Variants in PSMA1 observed in about 807,000 individuals in gnomAD.
The protein encoded by PSMA1 is proteasome subunit alpha type-1.
In PSMA1, 3 loss-of-function variants were observed where a neutral mutation model predicts 38.4. The observed-to-expected ratio is 0.08, with a 90% confidence interval of 0.04 to 0.20. PSMA1 has a LOEUF of 0.20. PSMA1 is among the 10% of genes least tolerant of loss of function. PSMA1 has a pLI of 1.00. For missense variants in PSMA1, 227 were observed against 325.3 expected (o/e 0.70, Z 2.32); for synonymous variants, 101 against 107.1 (o/e 0.94, Z 0.35).
chr11:14,526,156 A>T (rs535699478), intron 2 of PSMA1, among the ~76,000 whole-genome samples: 5 of 152,172 alleles, frequency 3.3e-5, no homozygotes, highest in Admixed American at 6.5e-5. Flanking sequence ...CTTTCCTTCC[A>T]GGCATGGTTG....
chr11:14,603,691 A>G (rs1385407152), intron 2 of PSMA1, among the ~76,000 whole-genome samples: 1 of 152,280 alleles, frequency 6.6e-6, no homozygotes, highest in Admixed American at 6.5e-5. Flanking sequence ...AAAAGCAGCA[A>G]ATATTTAGCT....
At chr11:14,569,863 G>C (rs895653258) in intron 2 of PSMA1, among the ~76,000 whole-genome samples, 3 of 152,198 alleles carry the variant, frequency 2.0e-5, no homozygotes, top group Non-Finnish European at 4.4e-5. Flanking sequence ...GAGAGTAGTG[G>C]TTCTCCCAGC....
At chr11:14,596,261 T>C (rs1852491891) in intron 2 of PSMA1, among the ~76,000 whole-genome samples, 2 of 152,232 alleles carry the variant, frequency 1.3e-5, no homozygotes, top group African/African-American at 2.4e-5. Flanking sequence ...TTTAAAGTAA[T>C]TTTTTCCAAT....
chr11:14,554,876 T>C (rs1490237955), intron 2 of PSMA1, among the ~76,000 whole-genome samples: 1 of 152,234 alleles, frequency 6.6e-6, no homozygotes, highest in Non-Finnish European at 1.5e-5. Context: ...GAGTACAAAG[T>C]AGTTAAGTAA....
intron 2 of PSMA1, among the ~76,000 whole-genome samples, chr11:14,590,057 C>A (rs1243934969): frequency 1.3e-5 from 2 of 152,180 alleles, no homozygotes; most frequent in Admixed American, 6.5e-5. Flanking sequence ...CATGGATGAA[C>A]CTTGAGGACA....
At chr11:14,625,530 C>A (rs1852899932) in intron 1 of PSMA1, among the ~76,000 whole-genome samples, 1 of 152,124 alleles carries the variant, frequency 6.6e-6, no homozygotes, top group Non-Finnish European at 1.5e-5. Flanking sequence ...GGATCCACCC[C>A]TGTTTCAGTA....
intron 2 of PSMA1, among the ~76,000 whole-genome samples, chr11:14,593,649 AGAGAGAGAGAGAGC>A (rs1187019620): frequency 4.0e-5 from 6 of 150,440 alleles, no homozygotes; most frequent in African/African-American, 1.5e-4. Context: ...AGAGAGAGAG[AGAGAGAGAGAGAGC>A]GCCAGCCCTA....
chr11:14,529,144 A>G (rs1208947328), intron 2 of PSMA1, among the ~76,000 whole-genome samples: 1 of 151,668 alleles, frequency 6.6e-6, no homozygotes, highest in Non-Finnish European at 1.5e-5. Flanking sequence ...AAAAAAAATT[A>G]AAGGTAATTG....
chr11:14,616,530 T>A (rs1852776280), intron 1 of PSMA1, among the ~76,000 whole-genome samples: 1 of 152,086 alleles, frequency 6.6e-6, no homozygotes, highest in Non-Finnish European at 1.5e-5. Flanking sequence ...CTGTGCCCGA[T>A]CAGATCCCAA....
intron 2 of PSMA1, among the ~76,000 whole-genome samples, chr11:14,553,531 T>C (rs1851911255): frequency 6.6e-6 from 1 of 152,198 alleles, no homozygotes; most frequent in South Asian, 2.1e-4. Flanking sequence ...TCTGTAATTT[T>C]ATCATTTTAG....
intron 1 of PSMA1, among the ~76,000 whole-genome samples, chr11:14,643,056 A>G (rs1375780437): frequency 6.6e-6 from 1 of 151,802 alleles, no homozygotes; most frequent in African/African-American, 2.4e-5. Context: ...GGAAGGCGAG[A>G]CGTTAGTTCT....
intron 2 of PSMA1, among the ~76,000 whole-genome samples, chr11:14,571,817 A>G (rs1852145092): frequency 1.3e-5 from 2 of 152,326 alleles, no homozygotes; most frequent in African/African-American, 4.8e-5. Context: ...GGATGGAGGA[A>G]GATCTACCAA....
intron 2 of PSMA1, among the ~76,000 whole-genome samples, chr11:14,528,626 G>A (rs1330129988): frequency 6.6e-6 from 1 of 151,996 alleles, no homozygotes; most frequent in Non-Finnish European, 1.5e-5. Context: ...AAGAAGACAG[G>A]AAGGTCAGGC....
chr11:14,585,344 A>C (rs115436566), intron 2 of PSMA1, among the ~76,000 whole-genome samples: 1,942 of 152,296 alleles, frequency 0.013, 36 homozygotes, highest in African/African-American at 0.043. Flanking sequence ...ATCTCTCTCT[A>C]TATATATGTT....
chr11:14,586,197 C>G (rs563948612), intron 2 of PSMA1, among the ~76,000 whole-genome samples: 1 of 152,034 alleles, frequency 6.6e-6, no homozygotes, highest in African/African-American at 2.4e-5. Flanking sequence ...TTTGGGAGGC[C>G]GAGGCTGGAG....
chr11:14,509,048 A>G (rs1851297312), intron 8 of PSMA1, among the ~76,000 whole-genome samples: 3 of 152,176 alleles, frequency 2.0e-5, no homozygotes. Context: ...ATTTCTATAT[A>G]AAGACTTCAA....
At chr11:14,566,052 C>G (rs559765145) in intron 2 of PSMA1, among the ~76,000 whole-genome samples, 187 of 152,176 alleles carry the variant, frequency 1.2e-3, no homozygotes, top group South Asian at 6.2e-3. Flanking sequence ...GGATATCTGA[C>G]AAAAAGCAAG....
intron 2 of PSMA1, among the ~76,000 whole-genome samples, chr11:14,540,125 T>G (rs1467688910): frequency 6.6e-6 from 1 of 152,160 alleles, no homozygotes; most frequent in African/African-American, 2.4e-5. Flanking sequence ...TGACCCTCTC[T>G]ACCCACCCAG....
At chr11:14,531,416 A>G (rs1851646520) in intron 2 of PSMA1, among the ~76,000 whole-genome samples, 1 of 152,178 alleles carries the variant, frequency 6.6e-6, no homozygotes, top group African/African-American at 2.4e-5. Context: ...CACTTAGGAT[A>G]ATGGCCTCCA....
Sources: allele counts gnomAD v4.1 joint callset (sites outside exome capture counted in the v4.1 genomes callset), GRCh38; gene constraint gnomAD v4.1.1; transcripts MANE v1.5; gene names NCBI Gene and HGNC (gene_info 2026-07-23, HGNC 2026-07-21).